Variants in ERC2 observed in about 807,000 individuals in gnomAD.
ERC2 encodes ERC protein 2.
Under a neutral mutation model 114.8 loss-of-function variants are expected in ERC2, and 42 were observed. The ratio of observed to expected loss-of-function variants is 0.37; its 90% CI spans 0.29 to 0.47. The LOEUF (loss-of-function observed/expected upper bound fraction) is 0.47, where lower values mean the gene tolerates loss of function less well. Among genes scored for constraint, ERC2 ranks in the 20% least tolerant of loss-of-function variants. The probability of loss-of-function intolerance (pLI) is 0.99; values close to 1 mark genes in which losing one functional copy is unlikely to be tolerated. For missense variants in ERC2, 939 were observed against 1,150.7 expected, an observed-to-expected ratio of 0.82 and a Z score of 2.66; for synonymous variants, 454 against 425.5, an observed-to-expected ratio of 1.07 and a Z score of -0.82.
At chr3:55,895,298 C>T (rs1224822934) in intron 13 of ERC2, among the ~76,000 whole-genome samples, 1 of 152,198 alleles carries the variant, frequency 6.6e-6, no homozygotes, top group African/African-American at 2.4e-5. Flanking sequence ...GGGAGCCAGG[C>T]ATCTGTATTT....
chr3:56,392,378 C>A (rs1054744696), intron 2 of ERC2, among the ~76,000 whole-genome samples: 18 of 152,140 alleles, frequency 1.2e-4, no homozygotes, highest in African/African-American at 4.3e-4. Flanking sequence ...TTTGCTACCA[C>A]CAAAAGTATC....
At chr3:55,845,499 G>A (rs1575817573) in intron 14 of ERC2, among the ~76,000 whole-genome samples, 2 of 67,980 alleles carry the variant, frequency 2.9e-5, no homozygotes, top group Non-Finnish European at 5.0e-5. Flanking sequence ...GCGAGACTCC[G>A]TCTCAAAAAA....
At chr3:56,399,979 C>T (rs1053771240) in intron 2 of ERC2, among the ~76,000 whole-genome samples, 29 of 151,758 alleles carry the variant, frequency 1.9e-4, no homozygotes, top group Non-Finnish European at 2.8e-4. Flanking sequence ...TATTAACCAA[C>T]ACAATGTGTG....
At chr3:55,607,013 A>G (rs1483838573) in intron 17 of ERC2, 1 of 152,498 alleles carries the variant, frequency 6.6e-6, no homozygotes, top group Admixed American at 6.5e-5. Context: ...AGAAAGCAGT[A>G]TTAACAGCAA....
chr3:56,030,010 G>A (rs2074282027), intron 7 of ERC2, among the ~76,000 whole-genome samples: 1 of 152,026 alleles, frequency 6.6e-6, no homozygotes, highest in African/African-American at 2.4e-5. Context: ...TTGATATTTT[G>A]TGTTTTTCTT....
intron 2 of ERC2, among the ~76,000 whole-genome samples, chr3:56,415,886 A>G (rs2061131991): frequency 6.6e-6 from 1 of 152,180 alleles, no homozygotes; most frequent in Admixed American, 6.5e-5. Context: ...TGCTTCAACT[A>G]CATCTGCCTC....
chr3:55,975,416 GGTT>G (rs892828106), intron 12 of ERC2, among the ~76,000 whole-genome samples: 1 of 151,998 alleles, frequency 6.6e-6, no homozygotes, highest in African/African-American at 2.4e-5. Context: ...TTAGTAGCTA[GGTT>G]TTTTTGTCTG....
chr3:55,666,141 T>C (rs768832613), intron 17 of ERC2, among the ~76,000 whole-genome samples: 1 of 152,152 alleles, frequency 6.6e-6, no homozygotes, highest in Non-Finnish European at 1.5e-5. Context: ...TCAGATTAAA[T>C]CACTGACCCA....
At chr3:56,037,141 TCTC>T (rs2074861199) in intron 7 of ERC2, among the ~76,000 whole-genome samples, 1 of 152,278 alleles carries the variant, frequency 6.6e-6, no homozygotes, top group Non-Finnish European at 1.5e-5. Flanking sequence ...GAGTGCCTAT[TCTC>T]CTCTAAGTGA....
intron 14 of ERC2, among the ~76,000 whole-genome samples, chr3:55,766,245 A>G (rs1037504498): frequency 1.3e-4 from 20 of 151,278 alleles, no homozygotes; most frequent in African/African-American, 4.4e-4. Context: ...TTTAAAGGCT[A>G]GAACACAACT....
intron 14 of ERC2, among the ~76,000 whole-genome samples, chr3:55,857,027 A>G (rs937566056): frequency 2.1e-4 from 32 of 151,416 alleles, no homozygotes; most frequent in African/African-American, 7.3e-4. Context: ...GGTAATAGAC[A>G]GTAATTGCTT....
At chr3:56,298,620 C>G (rs948866428) in intron 2 of ERC2, among the ~76,000 whole-genome samples, 5 of 150,326 alleles carry the variant, frequency 3.3e-5, no homozygotes, top group African/African-American at 1.2e-4. Context: ...CACAAAAGAC[C>G]ACATATTGTA....
chr3:55,850,139 C>A (rs575189998), intron 14 of ERC2, among the ~76,000 whole-genome samples: 1 of 152,188 alleles, frequency 6.6e-6, no homozygotes, highest in African/African-American at 2.4e-5. Flanking sequence ...CAACTTCATG[C>A]GAACTTCTGG....
chr3:56,441,314 CTTT>C (rs949533675), intron 1 of ERC2, among the ~76,000 whole-genome samples: 10 of 152,244 alleles, frequency 6.6e-5, no homozygotes, highest in South Asian at 2.1e-4. Flanking sequence ...CAGCCACCGT[CTTT>C]AATCAGCTGC....
intron 2 of ERC2, among the ~76,000 whole-genome samples, chr3:56,395,046 A>G (rs995293119): frequency 6.6e-6 from 1 of 151,824 alleles, no homozygotes; most frequent in Non-Finnish European, 1.5e-5. Context: ...CACTAAGTAA[A>G]AAAAAAAAAG....
At chr3:55,955,645 T>C (rs1321504107) in intron 12 of ERC2, among the ~76,000 whole-genome samples, 2 of 152,250 alleles carry the variant, frequency 1.3e-5, no homozygotes, top group African/African-American at 2.4e-5. Context: ...TCCTTGTTAA[T>C]GGATATTTGG....
intron 17 of ERC2, among the ~76,000 whole-genome samples, chr3:55,662,080 G>T (rs570770917): frequency 6.6e-6 from 1 of 152,180 alleles, no homozygotes; most frequent in Non-Finnish European, 1.5e-5. Flanking sequence ...ACTCTTGGGG[G>T]CAATCCTGCA....
At chr3:55,676,441 CTTATTATTATTATTA>C (rs71619901) in intron 17 of ERC2, among the ~76,000 whole-genome samples, 2 of 142,200 alleles carry the variant, frequency 1.4e-5, no homozygotes, top group East Asian at 2.0e-4. Flanking sequence ...TACTGAGCTG[CTTATTATTATTATTA>C]TTATTATTAT....
intron 2 of ERC2, among the ~76,000 whole-genome samples, chr3:56,391,820 T>G (rs2060139175): frequency 6.6e-6 from 1 of 152,192 alleles, no homozygotes; most frequent in Non-Finnish European, 1.5e-5. Context: ...TAATTTTTAT[T>G]TGCCAAATTA....
Sources: gnomAD v4.1 joint callset for allele counts (sites outside exome capture counted in the v4.1 genomes callset) on GRCh38, gnomAD v4.1.1 for gene constraint, MANE v1.5 for transcripts, NCBI Gene and HGNC (gene_info 2026-07-23, HGNC 2026-07-21) for gene names.